Variants in MSH6 observed in about 807,000 individuals in gnomAD.
MSH6 encodes the protein mutS homolog 6, also known as DNA mismatch repair protein Msh6.
MSH6 carries 85 observed loss-of-function variants against 119.1 expected under a neutral mutation model. The observed-to-expected ratio is 0.71, with a 90% CI of 0.60 to 0.85. MSH6 has a LOEUF of 0.85. Ranked by LOEUF, MSH6 falls within the 40% of genes least tolerant of loss-of-function variation. MSH6 has a pLI of 0.00. For synonymous variants in MSH6, 830 were observed against 586.9 expected (o/e 1.41, Z -5.99); for missense variants, 2,163 against 1,655.3 (o/e 1.31, Z -5.32).
At chr2:47,802,359 G>T in intron 4 of MSH6, among the ~76,000 whole-genome samples, 1 of 151,942 alleles carries the variant, frequency 6.6e-6, no homozygotes. Flanking sequence ...TTTTAGAGAC[G>T]GGGTCTTGCT....
chr2:47,794,131 A>G (rs1572713568), intron 2 of MSH6, among the ~76,000 whole-genome samples: 4 of 150,506 alleles, frequency 2.7e-5, no homozygotes, highest in African/African-American at 9.7e-5. Context: ...ACCTGAGGTC[A>G]GGAGTTGCAG....
In MSH6 at chr2:47,800,196, T is replaced by C. The variant is rs1572726232; in HGVS notation, c.2213T>C (p.Val738Ala). Reference protein sequence around the residue: ...KAYQRMVLDAVTLNNLEIFLN... With the variant: ...KAYQRMVLDAATLNNLEIFLN... ...TATCAACGAATGGTGCTAGATGCAG[T>C]GACATTAAACAACTTGGAGATTTTT... Residue 738 changes from valine to alanine, a missense_variant, in exon 4 of 10, where the codon GTG becomes GCG. Val to Ala is a moderately conservative substitution (Grantham distance 64, BLOSUM62 0). Coordinates refer to ENST00000234420, the MANE Select transcript of MSH6 (RefSeq NM_000179.3). 6.2e-7 allele frequency: 1 copy of C among 1,614,156 alleles called. No homozygotes were observed. The highest frequency in any genetic ancestry group is 1.6e-4 in the Middle Eastern group (1 of 6,062).
chr2:47,797,739 G>C (rs1283007549), intron 3 of MSH6: 3 of 159,684 alleles, frequency 1.9e-5, no homozygotes, highest in East Asian at 1.8e-4. Context: ...ACTGTGCTCG[G>C]TGCAGCACTT....
At chr2:47,784,174 G>C (rs1466337907) in intron 1 of MSH6, 3 of 1,005,318 alleles carry the variant, frequency 3.0e-6, no homozygotes, top group East Asian at 7.4e-5. Flanking sequence ...TGGGGACCGC[G>C]GGGCCTAATT....
intron 3 of MSH6, 103 bp downstream of exon 3, chr2:47,796,166 A>T: frequency 8.5e-7 from 1 of 1,178,056 alleles, no homozygotes; most frequent in Non-Finnish European, 1.3e-6. Context: ...ATGTGTGTGT[A>T]TATGTATTAT....
At chr2:47,785,990 C>T (rs1400004521) in intron 1 of MSH6, among the ~76,000 whole-genome samples, 1 of 152,118 alleles carries the variant, frequency 6.6e-6, no homozygotes, top group Non-Finnish European at 1.5e-5. Flanking sequence ...ATCACTCTGC[C>T]GAGCACAGCA....
Position 47,798,988 on chromosome 2 carries a change from T to C in MSH6, c.1005T>C (p.Asn335=), listed in dbSNP as rs767011067. ...QATSISSETK[N]TLRAFSAPQN... ...CTAGCATTTCATCAGAAACCAAGAA[T>C]ACTTTGAGAGCTTTCTCTGCCCCTC... Residue 335 remains asparagine (N), a synonymous_variant, in exon 4 of 10, where the codon AAT becomes AAC. Transcript: ENST00000234420. The C allele has an allele frequency of 6.2e-7, 1 of 1,614,096 alleles. No individual in the cohort carries two copies. Among genetic ancestry groups the C allele is most frequent in the African/African-American group, 1.3e-5 (1 of 74,940 alleles).
intron 1 of MSH6, among the ~76,000 whole-genome samples, chr2:47,788,839 T>A (rs2104038056): frequency 6.7e-6 from 1 of 148,496 alleles, no homozygotes; most frequent in East Asian, 2.0e-4. Context: ...CCCAAAATGC[T>A]GGGATTATAG....
chr2:47,788,900 CTTCTTCCTTTTTTTTTTTTTTG>C lies in MSH6; in HGVS notation c.261-2024_261-2003del, dbSNP rs1409917206. On this transcript the variant is annotated intron_variant, in intron 1 of 9. Coordinates refer to ENST00000234420, the MANE Select transcript of MSH6 (RefSeq NM_000179.3). ...CATACTGCTATTTCTTTCTTTCTTTCTTCTTCCTTTTTTTTTTTTTTGTTTTTTTTTTTTTTTTTTTTTTTTT... is the reference window on the plus strand; with the variant it reads ...CATACTGCTATTTCTTTCTTTCTTTCTTTTTTTTTTTTTTTTTTTTTTTTT... Among the ~76,000 whole-genome samples, 78 of 47,302 alleles carry C rather than the reference CTTCTTCCTTTTTTTTTTTTTTG, an allele frequency of 1.6e-3. 1 individual carries two copies. The highest frequency in any genetic ancestry group is 5.7e-3 in the African/African-American group (72 of 12,548). 31.0% of individuals were successfully genotyped at this position (47,302 alleles called of 152,430 possible).
At position 47,800,955 on chromosome 2, in the gene MSH6, C is replaced by T. The variant is rs375966384; in HGVS notation, c.2972C>T (p.Pro991Leu). The T allele has an allele frequency of 9.6e-6, 15 of 1,566,484 alleles. No individual in the cohort carries two copies. The highest frequency in any genetic ancestry group is 1.3e-5 in the Non-Finnish European group (15 of 1,158,668). The change falls in exon 4 of 10, where the codon CCA (proline) becomes CTA (leucine). Residue 991 changes from proline (P) to leucine (L), a missense_variant. Transcript: ENST00000234420. Reference sequence around the variant, plus strand: ...GAGAATTTCACCACTCGCAATTTGCCAGAAGAATACGAGTTGAAATCTACC... The same window carrying T: ...GAGAATTTCACCACTCGCAATTTGCTAGAAGAATACGAGTTGAAATCTACC... ...IPENFTTRNL[P>L]EEYELKSTKK... is the part of the protein sequence containing the mutation.
Position 47,806,761 on chromosome 2 carries a change from T to TTTTTTTTTAATTTTAAG in MSH6, c.4002-17_4002-1dup. The TTTTTTTTTAATTTTAAG allele has an allele frequency of 1.3e-6, 2 of 1,580,930 alleles. No individual in the cohort carries two copies. The highest frequency in any genetic ancestry group is 1.7e-6 in the Non-Finnish European group (2 of 1,164,874). On this transcript the variant is annotated splice_polypyrimidine_tract_variant and intron_variant, in intron 9 of 9. Coordinates refer to ENST00000234420, the MANE Select transcript of MSH6 (RefSeq NM_000179.3). ...GAAAAAACAAAAAAACTTTTTTTTT[T>TTTTTTTTTAATTTTAAG]TTTTTTTTAATTTTAAGGGAAGTTT...
chr2:47,806,058 GTAGC>G, intron 7 of MSH6, 142 bp from the exon 8 acceptor site: 1 of 800,826 alleles, frequency 1.2e-6, no homozygotes, highest in Non-Finnish European at 2.1e-6. Flanking sequence ...GCAGACTCGT[GTAGC>G]TAAACAAGGC....
At chr2:47,798,468 A>G (rs1669228256) in intron 3 of MSH6, 143 bp from the exon 4 acceptor site, 3 of 806,130 alleles carry the variant, frequency 3.7e-6, no homozygotes, top group Admixed American at 5.1e-5. Context: ...ATCTCATGTA[A>G]TTCATCGAAT....
downstream of MSH6, chr2:47,809,304 A>T: frequency 7.5e-7 from 1 of 1,328,404 alleles, no homozygotes; most frequent in Non-Finnish European, 1.1e-6. Flanking sequence ...ATTCAGAGGA[A>T]TGTTAATATT....
chr2:47,798,950 A>T lies in MSH6; in HGVS notation c.967A>T (p.Thr323Ser), dbSNP rs1471336509. The part of the protein sequence containing the change: ...KSSRKETPSA[T>S]KQATSISSET... The stretch of plus-strand genomic sequence containing the variant: ...CTCTAGGAAGGAAACGCCCTCAGCC[A>T]CCAAACAAGCAACTAGCATTTCATC... Residue 323 changes from threonine (T) to serine (S), a missense_variant, in exon 4 of 10, where the codon ACC (threonine) becomes TCC (serine). Physicochemically the swap from Thr to Ser is moderately conservative, Grantham distance 58 (BLOSUM62 1). Transcript: ENST00000234420. The T allele has an allele frequency of 6.2e-7, 1 of 1,614,234 alleles. No homozygotes were observed. Among genetic ancestry groups the T allele is most frequent in the South Asian group, 1.1e-5 (1 of 91,084 alleles).
chr2:47,802,766 A>C (rs1669679015), intron 4 of MSH6, among the ~76,000 whole-genome samples: 1 of 151,342 alleles, frequency 6.6e-6, no homozygotes, highest in Non-Finnish European at 1.5e-5. Context: ...AGTGTGCTGC[A>C]TTTGGTTACT....
At chr2:47,786,600 T>C (rs183641667) in intron 1 of MSH6, among the ~76,000 whole-genome samples, 66 of 152,232 alleles carry the variant, frequency 4.3e-4, no homozygotes, top group Non-Finnish European at 7.4e-5. Context: ...TCCCAAAGTG[T>C]TGGGATTACA....
Position 47,806,874 on chromosome 2 carries a change from G to T in MSH6, c.*14G>T. On this transcript the variant is annotated 3_prime_UTR_variant, in exon 10 of 10. Coordinates refer to ENST00000234420, the MANE Select transcript of MSH6 (RefSeq NM_000179.3). ...AAGGAATTATAGACTGACTACATTG[G>T]AAGCTTTGAGTTGACTTCTGACAAA... The T allele has an allele frequency of 1.3e-6, 2 of 1,588,136 alleles. No homozygotes were observed. Among genetic ancestry groups the T allele is most frequent in the Non-Finnish European group, 1.7e-6 (2 of 1,157,018 alleles).
chr2:47,792,425 C>T (rs770363922), intron 2 of MSH6, among the ~76,000 whole-genome samples: 3 of 152,326 alleles, frequency 2.0e-5, no homozygotes, highest in Admixed American at 2.0e-4. Flanking sequence ...ATCTGACATA[C>T]AGGTGGAAAG....
Sources: allele counts gnomAD v4.1 joint callset (sites outside exome capture counted in the v4.1 genomes callset), GRCh38; gene constraint gnomAD v4.1.1; transcripts MANE v1.5; gene names NCBI Gene and HGNC (gene_info 2026-07-23, HGNC 2026-07-21).